The following LARP4B variants were observed in gnomAD, a reference collection of about 807,000 sequenced individuals.
LARP4B encodes la-related protein 4B.
In LARP4B, 12 loss-of-function variants were observed where a neutral mutation model predicts 89.8. The observed-to-expected ratio is 0.13, with a 90% CI of 0.09 to 0.22. The LOEUF is 0.22. Among genes scored for constraint, LARP4B ranks in the 10% least tolerant of loss-of-function variants. The probability of loss-of-function intolerance (pLI) is 1.00; values close to 1 mark genes in which losing one functional copy is unlikely to be tolerated. For synonymous variants in LARP4B, 367 were observed against 363.3 expected (o/e 1.01, Z -0.12); for missense variants, 757 against 947.7 (o/e 0.80, Z 2.64).
chr10:914,951 AGAG>A (rs1160411657), intron 1 of LARP4B, among the ~76,000 whole-genome samples: 1 of 152,220 alleles, frequency 6.6e-6, no homozygotes, highest in Non-Finnish European at 1.5e-5. Context: ...CTAAATTAGA[AGAG>A]AATTATTTAG....
At chr10:864,396 C>G in intron 3 of LARP4B, 126 bp from the exon 4 acceptor site, 1 of 718,502 alleles carries the variant, frequency 1.4e-6, no homozygotes, top group Non-Finnish European at 2.2e-6. Flanking sequence ...TTTATACACA[C>G]CTTTGGAATG....
chr10:883,068 A>C (rs1344064270), intron 3 of LARP4B, among the ~76,000 whole-genome samples: 4 of 152,372 alleles, frequency 2.6e-5, no homozygotes, highest in South Asian at 4.1e-4. Context: ...TCTGAATATT[A>C]TGTTGGACTG....
chr10:986,442 GTATGA>G, the LARP4B span: 2 of 152,192 alleles, frequency 1.3e-5, no homozygotes, highest in African/African-American at 2.4e-5. Context: ...GCCCAGAAGT[GTATGA>G]TAAAGAAGCT....
the LARP4B span, among the ~76,000 whole-genome samples, chr10:965,309 G>A: frequency 2.0e-5 from 3 of 152,102 alleles, no homozygotes; most frequent in East Asian, 3.9e-4. Flanking sequence ...ATTCACTTCC[G>A]AGGCACAATC....
chr10:891,122 T>C (rs1006916748), intron 1 of LARP4B, among the ~76,000 whole-genome samples: 1 of 151,312 alleles, frequency 6.6e-6, no homozygotes, highest in Non-Finnish European at 1.5e-5. Context: ...ATACCAACAA[T>C]ACCATATATG....
At chr10:983,512 T>C in the LARP4B span, among the ~76,000 whole-genome samples, 117 of 152,198 alleles carry the variant, frequency 7.7e-4, no homozygotes, top group African/African-American at 2.8e-3. Flanking sequence ...TGGGTTCTGG[T>C]GCAGCCTCTT....
rs985354182 is a variant in LARP4B, at chr10:894,244, C to T, written c.-39-8484G>A. On this transcript the variant is annotated intron_variant, in intron 1 of 17. Transcript: ENST00000316157. Reference sequence around the variant, plus strand: ...CAAAGACTACCATCCACAAAGTAGTCGTGCCAAAAAAAGAGCCTGTATTTA... The same window carrying T: ...CAAAGACTACCATCCACAAAGTAGTTGTGCCAAAAAAAGAGCCTGTATTTA... Among the ~76,000 whole-genome samples the T allele has an allele frequency of 5.3e-5, 8 of 151,902 alleles. No homozygotes were observed. The East Asian group carries it at 1.2e-3, about 22-fold the overall frequency.
the LARP4B span, among the ~76,000 whole-genome samples, chr10:949,723 CTCT>C: frequency 6.6e-6 from 1 of 152,232 alleles, no homozygotes; most frequent in Non-Finnish European, 1.5e-5. Context: ...TCTCGGACAT[CTCT>C]TCTTGTGCTT....
chr10:814,193 T>C lies in LARP4B; in HGVS notation c.1929+549A>G, dbSNP rs1417384652. On this transcript the variant is annotated intron_variant, in intron 17 of 17. Transcript: ENST00000316157. The surrounding 1 kb of genome is among the most constrained non-coding windows in gnomAD (Gnocchi z 4.4). ...ACTCAGCCCAGGGGACAGTAAGGGA[T>C]TAAACTCCCAAATTCAAGGAAAAGG... Among the ~76,000 whole-genome samples, 1 of 151,708 alleles carries C rather than the reference T, an allele frequency of 6.6e-6. No homozygotes were observed. The highest frequency in any genetic ancestry group is 1.5e-5 in the Non-Finnish European group (1 of 67,916).
the LARP4B span, among the ~76,000 whole-genome samples, chr10:975,045 T>C: frequency 1.3e-5 from 2 of 152,222 alleles, no homozygotes; most frequent in African/African-American, 4.8e-5. Flanking sequence ...TCCTTGTGTG[T>C]CCACTAGTCA....
At chr10:887,887 G>C (rs990861569) in intron 1 of LARP4B, among the ~76,000 whole-genome samples, 3 of 151,584 alleles carry the variant, frequency 2.0e-5, no homozygotes, top group Admixed American at 2.0e-4. Flanking sequence ...GCCAGGCATG[G>C]TGGCACATGC....
At chr10:873,464 G>C (rs1199239975) in intron 3 of LARP4B, 4 of 967,086 alleles carry the variant, frequency 4.1e-6, no homozygotes. Flanking sequence ...TATTATCCCA[G>C]CCAGAAAGAT....
chr10:942,060 T>C, the LARP4B span: 1 of 152,230 alleles, frequency 6.6e-6, no homozygotes, highest in African/African-American at 2.4e-5. Context: ...TCTAATCACA[T>C]TCTCCACTGT....
intron 3 of LARP4B, among the ~76,000 whole-genome samples, chr10:872,303 G>A (rs887701954): frequency 2.0e-5 from 3 of 152,298 alleles, no homozygotes; most frequent in South Asian, 2.1e-4. Context: ...TGGACCCAGC[G>A]TGTCCCAAGG....
chr10:881,640 T>C (rs1253247007), intron 3 of LARP4B, among the ~76,000 whole-genome samples: 2 of 152,240 alleles, frequency 1.3e-5, no homozygotes, highest in African/African-American at 4.8e-5. Flanking sequence ...TAACTATTGG[T>C]ACGATATACT....
chr10:964,838 GACAGCTCAGGAC>G, the LARP4B span, among the ~76,000 whole-genome samples: 1 of 152,214 alleles, frequency 6.6e-6, no homozygotes, highest in Non-Finnish European at 1.5e-5. Flanking sequence ...CATGGGCGTA[GACAGCTCAGGAC>G]AGCACAGAAC....
chr10:858,457 G>A (rs1170198115), intron 5 of LARP4B, among the ~76,000 whole-genome samples: 2 of 152,014 alleles, frequency 1.3e-5, no homozygotes, highest in East Asian at 3.8e-4. Flanking sequence ...CGAAAACACA[G>A]ACAAAACCTT....
the LARP4B span, among the ~76,000 whole-genome samples, chr10:978,113 C>T: frequency 6.6e-6 from 1 of 152,224 alleles, no homozygotes; most frequent in African/African-American, 2.4e-5. Flanking sequence ...ATTCACTTTT[C>T]TTCATCAGTC....
chr10:925,413 G>C (rs1363820261), intron 1 of LARP4B, among the ~76,000 whole-genome samples: 1 of 151,980 alleles, frequency 6.6e-6, no homozygotes. Flanking sequence ...ATCCACTAAA[G>C]TTTAAAAGAT....
Sources: gnomAD v4.1 joint callset for allele counts (sites outside exome capture counted in the v4.1 genomes callset) on GRCh38, gnomAD v4.1.1 for gene constraint, Gnocchi (gnomAD v3.1) non-coding constraint, MANE v1.5 for transcripts, NCBI Gene and HGNC (gene_info 2026-07-23, HGNC 2026-07-21) for gene names.